Variants in MFHAS1 observed in about 807,000 individuals in gnomAD.
MFHAS1 encodes the protein malignant fibrous histiocytoma-amplified sequence 1.
In MFHAS1, 50 loss-of-function variants were observed where a neutral mutation model predicts 70.4. The ratio of observed to expected loss-of-function variants is 0.71; its 90% confidence interval spans 0.57 to 0.90. The LOEUF (loss-of-function observed/expected upper bound fraction) is 0.90, where lower values mean the gene tolerates loss of function less well. Among genes scored for constraint, MFHAS1 ranks in the 40% least tolerant of loss-of-function variants. The probability of loss-of-function intolerance (pLI) is 0.00; values close to 1 mark genes in which losing one functional copy is unlikely to be tolerated. For synonymous variants in MFHAS1, 952 were observed against 620.0 expected (o/e 1.54, Z -7.96); for missense variants, 1,795 against 1,347.6 (o/e 1.33, Z -5.20).
intron 1 of MFHAS1, among the ~76,000 whole-genome samples, chr8:8,889,231 C>T (rs1218469282): frequency 2.0e-5 from 3 of 152,082 alleles, no homozygotes; most frequent in Non-Finnish European, 4.4e-5. Flanking sequence ...AAAAACAAAC[C>T]TTAAGACGTC....
In MFHAS1 at chr8:8,797,402, A is replaced by T; in HGVS notation, c.3088T>A (p.Tyr1030Asn). 1 of 1,614,104 alleles carries T rather than the reference A, an allele frequency of 6.2e-7. No individual in the cohort carries two copies. The highest frequency in any genetic ancestry group is 8.5e-7 in the Non-Finnish European group (1 of 1,180,004). Residue 1030 changes from tyrosine (Y) to asparagine (N), a missense_variant, in exon 2 of 3, where the codon TAC (tyrosine) becomes AAC (asparagine). Coordinates refer to ENST00000276282, the MANE Select transcript of MFHAS1 (RefSeq NM_004225.3). ...GSERVNVALV[Y>N]PPTPTVISPC... ...CTGATCACAGTCGGCGTGGGTGGGT[A>T]AACCAAGGCAACATTTACTCGCTCG...
At chr8:8,867,847 G>C (rs551141489) in intron 1 of MFHAS1, among the ~76,000 whole-genome samples, 1 of 152,070 alleles carries the variant, frequency 6.6e-6, no homozygotes, top group Admixed American at 6.6e-5. Flanking sequence ...GTGAGCCACC[G>C]TGCCTGGCCA....
intron 1 of MFHAS1, among the ~76,000 whole-genome samples, chr8:8,884,729 C>G (rs1180001885): frequency 6.6e-6 from 1 of 152,122 alleles, no homozygotes; most frequent in African/African-American, 2.4e-5. Flanking sequence ...CTTTGGAAGG[C>G]TGAGGCAGGC....
intron 1 of MFHAS1, among the ~76,000 whole-genome samples, chr8:8,867,099 T>C (rs1284360660): frequency 6.6e-6 from 1 of 152,226 alleles, no homozygotes; most frequent in African/African-American, 2.4e-5. Context: ...AAATTTCTGA[T>C]ACTGCTAAGG....
intron 1 of MFHAS1, among the ~76,000 whole-genome samples, chr8:8,798,912 G>C (rs7817226): frequency 5.7e-4 from 86 of 152,108 alleles, no homozygotes; most frequent in African/African-American, 2.0e-3. Context: ...CTAGGCATTT[G>C]TGGCAGGTGC....
At chr8:8,788,015 A>G (rs1308860840) in intron 2 of MFHAS1, among the ~76,000 whole-genome samples, 6 of 152,298 alleles carry the variant, frequency 3.9e-5, no homozygotes, top group African/African-American at 1.4e-4. Context: ...CTTCTTCAAG[A>G]TCCATCTCAA....
rs1422316814 is a variant in MFHAS1, at chr8:8,892,669, C to T, written c.390G>A (p.Val130=). ...TCCGCAGCTCCCTCAGAGCACTCAC[C>T]ACCTCCGCGCCCAGGGCGGTCAGCC... ...HNRLTALGAE[V]VSALRELRKL... Residue 130 remains valine, a synonymous_variant, in exon 1 of 3, where the codon GTG becomes GTA. Coordinates refer to ENST00000276282, the MANE Select transcript of MFHAS1 (RefSeq NM_004225.3). The surrounding 1 kb of genome is among the most constrained non-coding windows in gnomAD (Gnocchi z 4.7). 4 of 1,584,166 alleles carry T rather than the reference C, an allele frequency of 2.5e-6. No homozygotes were observed. In the Admixed American group the frequency reaches 5.4e-5, roughly 21 times the overall value.
At chr8:8,800,038 G>A (rs758946946) in intron 1 of MFHAS1, among the ~76,000 whole-genome samples, 1 of 152,176 alleles carries the variant, frequency 6.6e-6, no homozygotes, top group African/African-American at 2.4e-5. Context: ...TTTGCCCCCA[G>A]GCTAATGCCT....
intron 1 of MFHAS1, among the ~76,000 whole-genome samples, chr8:8,859,211 G>A (rs1971369): frequency 2.1e-3 from 313 of 152,270 alleles, no homozygotes; most frequent in African/African-American, 7.1e-3. Context: ...GGGTGTAGTG[G>A]CACACGCCTG....
At chr8:8,845,904 C>G (rs1229714653) in intron 1 of MFHAS1, among the ~76,000 whole-genome samples, 4 of 152,096 alleles carry the variant, frequency 2.6e-5, no homozygotes, top group African/African-American at 9.7e-5. Flanking sequence ...ACCTCTTTCT[C>G]TCAAAACCCA....
At chr8:8,799,432 T>C (rs1417376859) in intron 1 of MFHAS1, among the ~76,000 whole-genome samples, 1 of 152,214 alleles carries the variant, frequency 6.6e-6, no homozygotes, top group East Asian at 1.9e-4. Context: ...TCTGCTGACG[T>C]ATAATGATAT....
chr8:8,876,809 T>G (rs186643432), intron 1 of MFHAS1, among the ~76,000 whole-genome samples: 1 of 151,930 alleles, frequency 6.6e-6, no homozygotes. Context: ...CTCTTCTAAA[T>G]AGTGGTCCCA....
At chr8:8,823,122 A>G (rs1300103722) in intron 1 of MFHAS1, among the ~76,000 whole-genome samples, 1 of 152,174 alleles carries the variant, frequency 6.6e-6, no homozygotes, top group Non-Finnish European at 1.5e-5. Context: ...TCCTGCCAGA[A>G]TCCTGACTTT....
chr8:8,854,875 T>C (rs1006373134), intron 1 of MFHAS1, among the ~76,000 whole-genome samples: 11 of 152,162 alleles, frequency 7.2e-5, no homozygotes, highest in African/African-American at 2.7e-4. Context: ...CTGGCTATCC[T>C]GTTTTTTTGG....
chr8:8,816,471 A>AGTT (rs2117293751), intron 1 of MFHAS1, among the ~76,000 whole-genome samples: 1 of 152,368 alleles, frequency 6.6e-6, no homozygotes, highest in South Asian at 2.1e-4. Context: ...ATATCCCATG[A>AGTT]GTTTCATGCT....
At chr8:8,787,644 A>T (rs1205081262) in intron 2 of MFHAS1, among the ~76,000 whole-genome samples, 1 of 152,212 alleles carries the variant, frequency 6.6e-6, no homozygotes, top group Non-Finnish European at 1.5e-5. Flanking sequence ...CTAATAATAT[A>T]ATCAATCTAA....
Position 8,891,087 on chromosome 8 carries a change from C to T in MFHAS1, c.1972G>A (p.Val658Ile), listed in dbSNP as rs755784449. Reference protein sequence around the residue: ...HREIFPNLHRVLPRSWQVLEE... With the variant: ...HREIFPNLHRILPRSWQVLEE... ...AGCACCTGCCAGGATCGAGGCAGTA[C>T]TCTGTGTAAGTTGGGGAAGATCTCT... Residue 658 changes from valine to isoleucine, a missense_variant, in exon 1 of 3, where the codon GTA becomes ATA. Transcript: ENST00000276282. This position sits in a 1 kb window ranked among gnomAD's most constrained non-coding sequence, Gnocchi z 5.4. The T allele has an allele frequency of 6.2e-6, 10 of 1,613,888 alleles. No homozygotes were observed. The East Asian group carries it at 8.9e-5, about 14-fold the overall frequency.
chr8:8,823,356 C>G (rs4840364), intron 1 of MFHAS1, among the ~76,000 whole-genome samples: 117,725 of 152,004 alleles, frequency 0.77, 45,682 homozygotes, highest in East Asian at 0.9. Context: ...GGCATCGCTG[C>G]CAGAACAAAA....
At chr8:8,874,409 T>C (rs1423997586) in intron 1 of MFHAS1, among the ~76,000 whole-genome samples, 1 of 152,012 alleles carries the variant, frequency 6.6e-6, no homozygotes, top group Non-Finnish European at 1.5e-5. Flanking sequence ...TAACTGTTCA[T>C]ATGGAGGCAT....
Sources: allele counts gnomAD v4.1 joint callset (sites outside exome capture counted in the v4.1 genomes callset), GRCh38; gene constraint gnomAD v4.1.1; non-coding constraint Gnocchi (gnomAD v3.1); transcripts MANE v1.5; gene names NCBI Gene and HGNC (gene_info 2026-07-23, HGNC 2026-07-21).